The following KDM6A variants were observed in gnomAD, a reference collection of about 807,000 sequenced individuals.
KDM6A encodes lysine-specific demethylase 6A.
In KDM6A, 11 loss-of-function variants were observed where a neutral mutation model predicts 117.6. The ratio of observed to expected loss-of-function variants is 0.09; its 90% CI spans 0.06 to 0.15. The LOEUF (loss-of-function observed/expected upper bound fraction) is 0.15, where lower values mean the gene tolerates loss of function less well. Ranked by LOEUF, KDM6A falls within the 10% of genes least tolerant of loss-of-function variation. KDM6A has a pLI of 1.00. For missense variants in KDM6A, 799 were observed against 1,077.3 expected, an observed-to-expected ratio of 0.74 and a Z score of 3.62; for synonymous variants, 384 against 396.1, an observed-to-expected ratio of 0.97 and a Z score of 0.36.
At chrX:44,884,079 G>A (rs2032586559) in intron 2 of KDM6A, among the ~76,000 whole-genome samples, 1 of 89,595 alleles carries the variant, frequency 1.1e-5, no homozygotes, top group Admixed American at 1.4e-4. Context: ...TCCAGCTTGG[G>A]CAACAAGAGT....
At chrX:44,921,515 CA>C (rs2035936486) in intron 2 of KDM6A, among the ~76,000 whole-genome samples, 1 of 111,527 alleles carries the variant, frequency 9.0e-6, no homozygotes, top group Non-Finnish European at 1.9e-5. Context: ...CACCAATCCC[CA>C]CAATCATCTC....
chrX:44,883,326 C>T (rs763578165), intron 2 of KDM6A, among the ~76,000 whole-genome samples: 7 of 110,562 alleles, frequency 6.3e-5, no homozygotes, highest in Non-Finnish European at 9.5e-5. Flanking sequence ...CCGTGTCAGC[C>T]TCCATAGGTC....
chrX:44,982,387 A>G (rs1011462308), intron 4 of KDM6A, among the ~76,000 whole-genome samples: 8 of 111,531 alleles, frequency 7.2e-5, no homozygotes, highest in African/African-American at 2.0e-4. Flanking sequence ...GCTAAAATTT[A>G]GTTTGGGACA....
intron 3 of KDM6A, among the ~76,000 whole-genome samples, chrX:44,968,728 T>C (rs2147224344): frequency 8.9e-6 from 1 of 111,900 alleles, no homozygotes; most frequent in East Asian, 2.8e-4. Context: ...CCCAGCACTT[T>C]GGGAGGCCGA....
intron 2 of KDM6A, among the ~76,000 whole-genome samples, chrX:44,916,074 G>A (rs2035532056): frequency 9.0e-6 from 1 of 110,897 alleles, no homozygotes. Context: ...TTAATCTATT[G>A]TGCCTAGTTT....
chrX:45,050,345 A>G (rs1345945030), intron 8 of KDM6A, among the ~76,000 whole-genome samples: 4 of 112,396 alleles, frequency 3.6e-5, no homozygotes, highest in African/African-American at 6.5e-5. Context: ...CGTCTCAAAA[A>G]AACAAACAAA....
At position 45,062,725 on chromosome X, in the gene KDM6A, T is replaced by C. The variant is rs2044353947; in HGVS notation, c.1660T>C (p.Phe554Leu). Residue 554 changes from phenylalanine (F) to leucine (L), a missense_variant, in exon 16 of 30, where the codon TTT becomes CTT. Coordinates refer to ENST00000611820, the MANE Select transcript of KDM6A (RefSeq NM_001291415.2). ...KLMLEQLESQFVLMQQHQMRP... is the reference protein window; with the variant it reads ...KLMLEQLESQLVLMQQHQMRP... The stretch of plus-strand genomic sequence containing the variant: ...GATGCTGGAACAGCTGGAAAGTCAG[T>C]TTGTCTTAATGCAACAACACCAAGT... The C allele has an allele frequency of 3.4e-6, 4 of 1,190,246 alleles. No individual in the cohort carries two copies. In the South Asian group the frequency reaches 7.1e-5, roughly 21 times the overall value.
intron 6 of KDM6A, 123 bp from the exon 7 acceptor site, chrX:45,034,808 G>A (rs887905661): frequency 1.8e-6 from 1 of 557,316 alleles, no homozygotes. Flanking sequence ...GTAGGCTAGT[G>A]TATTTTATTT....
At chrX:44,878,762 C>T (rs1385671956) in intron 2 of KDM6A, among the ~76,000 whole-genome samples, 1 of 110,378 alleles carries the variant, frequency 9.1e-6, no homozygotes, top group Admixed American at 9.8e-5. Context: ...CACACTATCC[C>T]CCAGGCTGGA....
rs5952673 is a variant in KDM6A at position 45,053,519 on chromosome X, G to A, written c.749-310G>A. On this transcript the variant is annotated intron_variant, in intron 9 of 29. Coordinates refer to ENST00000611820, the MANE Select transcript of KDM6A (RefSeq NM_001291415.2). The stretch of plus-strand genomic sequence containing the variant: ...GTAACATCTTTATATTTTTTGTTTC[G>A]TAACTTGGAATTTTTTCAGATATCA... Among the ~76,000 whole-genome samples, 24,487 of 111,170 alleles carry A rather than the reference G, an allele frequency of 0.22. 4,345 individuals carry two copies. Among genetic ancestry groups the A allele is most frequent in the African/African-American group, 0.61 (18,576 of 30,444 alleles).
intron 5 of KDM6A, among the ~76,000 whole-genome samples, chrX:45,017,559 ACC>A (rs1424294357): frequency 3.6e-5 from 4 of 111,445 alleles, no homozygotes; most frequent in African/African-American, 1.3e-4. Context: ...GGATGGATAA[ACC>A]TGAAGACGCA....
intron 11 of KDM6A, 50 bp downstream of exon 11, chrX:45,059,154 G>A: frequency 8.5e-7 from 1 of 1,173,533 alleles, no homozygotes; most frequent in Non-Finnish European, 1.2e-6. Flanking sequence ...TACAAAGATG[G>A]TTGCATCACA....
intron 4 of KDM6A, among the ~76,000 whole-genome samples, chrX:45,006,165 C>A (rs750822504): frequency 2.3e-5 from 2 of 85,175 alleles, no homozygotes; most frequent in South Asian, 1.9e-3. Flanking sequence ...AGCCCTGCGC[C>A]CCCCCCCGCC....
intron 2 of KDM6A, among the ~76,000 whole-genome samples, chrX:44,947,020 A>G (rs962428866): frequency 1.8e-5 from 2 of 112,240 alleles, no homozygotes; most frequent in Non-Finnish European, 3.8e-5. Flanking sequence ...TCTAAATTGC[A>G]TAAATCTGGA....
intron 17 of KDM6A, among the ~76,000 whole-genome samples, chrX:45,066,020 CTG>C (rs985898562): frequency 2.7e-5 from 3 of 111,700 alleles, no homozygotes; most frequent in African/African-American, 6.5e-5. Flanking sequence ...ACCCCACGAC[CTG>C]TGTTTTTTAT....
chrX:45,012,169 C>T (rs774295242), intron 5 of KDM6A, among the ~76,000 whole-genome samples: 1 of 103,511 alleles, frequency 9.7e-6, no homozygotes, highest in Admixed American at 1.1e-4. Flanking sequence ...AGATACAGTA[C>T]ATTTTATAAA....
chrX:45,046,741 G>T (rs2043553521), intron 8 of KDM6A, among the ~76,000 whole-genome samples: 2 of 111,328 alleles, frequency 1.8e-5, no homozygotes, highest in African/African-American at 6.5e-5. Flanking sequence ...GATTGTGTAG[G>T]ATATACTAAC....
intron 2 of KDM6A, among the ~76,000 whole-genome samples, chrX:44,899,004 G>GGTGTGTGTGTGTGTGTGTGTGTGTGTGT (rs745714866): frequency 3.8e-5 from 3 of 79,655 alleles, no homozygotes; most frequent in African/African-American, 1.3e-4. Context: ...GGAGAGGGAG[G>GGTGTGTGTGTGTGTGTGTGTGTGTGTGT]GTGTGTGTGT....
intron 4 of KDM6A, among the ~76,000 whole-genome samples, chrX:45,009,854 T>C (rs1268093412): frequency 1.8e-5 from 2 of 111,655 alleles, no homozygotes; most frequent in Non-Finnish European, 3.8e-5. Flanking sequence ...CTTTCCTGAC[T>C]CACTTCTTTA....
Sources: allele counts gnomAD v4.1 joint callset (sites outside exome capture counted in the v4.1 genomes callset), GRCh38; gene constraint gnomAD v4.1.1; transcripts MANE v1.5; gene names NCBI Gene and HGNC (gene_info 2026-07-23, HGNC 2026-07-21).